Variants in PLCB1 observed in about 807,000 individuals in gnomAD.
The protein encoded by PLCB1 is 1-phosphatidylinositol 4,5-bisphosphate phosphodiesterase beta-1.
A neutral mutation model predicts 161.8 loss-of-function variants in PLCB1; 46 were observed. The ratio of observed to expected loss-of-function variants is 0.28; its 90% CI spans 0.22 to 0.36. The LOEUF (loss-of-function observed/expected upper bound fraction) is 0.36, where lower values mean the gene tolerates loss of function less well. Ranked by LOEUF, PLCB1 falls within the 10% of genes least tolerant of loss-of-function variation. The pLI is 1.00. For missense variants in PLCB1, 1,016 were observed against 1,472.5 expected (o/e 0.69, Z 5.07); for synonymous variants, 517 against 503.7 (o/e 1.03, Z -0.35).
chr20:8,825,715 T>C (rs181161598), intron 31 of PLCB1, among the ~76,000 whole-genome samples: 61 of 152,328 alleles, frequency 4.0e-4, no homozygotes, highest in Non-Finnish European at 6.6e-4. Context: ...TTTGAAAATA[T>C]TTTTATTGAT....
intron 31 of PLCB1, among the ~76,000 whole-genome samples, chr20:8,796,145 A>T (rs1315267436): frequency 7.9e-5 from 12 of 152,186 alleles, no homozygotes; most frequent in African/African-American, 2.4e-4. Flanking sequence ...CATCATCAAG[A>T]GAGAATTCCG....
At chr20:8,156,748 A>G (rs1467081260) in intron 2 of PLCB1, among the ~76,000 whole-genome samples, 2 of 152,154 alleles carry the variant, frequency 1.3e-5, no homozygotes, top group Non-Finnish European at 2.9e-5. Context: ...TGGTTTCATT[A>G]TCTATAAGGT....
chr20:8,607,474 C>T (rs957670913), intron 3 of PLCB1, among the ~76,000 whole-genome samples: 11 of 152,146 alleles, frequency 7.2e-5, no homozygotes, highest in South Asian at 2.1e-4. Flanking sequence ...ATCACTGTGC[C>T]GCTCTCTTGC....
intron 2 of PLCB1, among the ~76,000 whole-genome samples, chr20:8,258,628 T>C (rs140870551): frequency 1.3e-3 from 191 of 152,294 alleles, no homozygotes; most frequent in Middle Eastern, 3.4e-3. Flanking sequence ...AGATTAATAA[T>C]AATTACTTCT....
At chr20:8,286,929 C>T (rs2745764) in intron 2 of PLCB1, among the ~76,000 whole-genome samples, 75,786 of 152,016 alleles carry the variant, frequency 0.5, 21,169 homozygotes, top group African/African-American at 0.75. Context: ...TATCAGTGGA[C>T]TTTTGTCTAT....
intron 31 of PLCB1, among the ~76,000 whole-genome samples, chr20:8,876,985 G>T (rs1372716014): frequency 6.6e-6 from 1 of 152,056 alleles, no homozygotes; most frequent in Admixed American, 6.6e-5. Flanking sequence ...AATACACTCC[G>T]TTCTTTGCTG....
At chr20:8,686,810 T>G (rs1328527528) in intron 10 of PLCB1, among the ~76,000 whole-genome samples, 1 of 152,190 alleles carries the variant, frequency 6.6e-6, no homozygotes, top group Non-Finnish European at 1.5e-5. Context: ...AGACTCACCT[T>G]ATTCCTTTCT....
intron 2 of PLCB1, among the ~76,000 whole-genome samples, chr20:8,364,385 C>T (rs189482751): frequency 2.6e-5 from 4 of 152,266 alleles, no homozygotes; most frequent in East Asian, 1.9e-4. Flanking sequence ...CGATAATATC[C>T]GCAGGCATTG....
intron 2 of PLCB1, among the ~76,000 whole-genome samples, chr20:8,269,779 T>C (rs1229367591): frequency 6.6e-6 from 1 of 152,132 alleles, no homozygotes; most frequent in East Asian, 1.9e-4. Flanking sequence ...TATTTTGACT[T>C]CCTCTCCTGA....
intron 31 of PLCB1, chr20:8,831,227 G>T: frequency 6.4e-6 from 1 of 157,306 alleles, no homozygotes; most frequent in Non-Finnish European, 1.4e-5. Context: ...TCCCCAGGCT[G>T]TGTCCAAGTA....
intron 31 of PLCB1, among the ~76,000 whole-genome samples, chr20:8,811,470 G>C (rs899026330): frequency 6.6e-6 from 1 of 152,156 alleles, no homozygotes; most frequent in African/African-American, 2.4e-5. Flanking sequence ...TCCATCAGCA[G>C]ATTTTATATT....
At chr20:8,776,547 C>G (rs1982953372) in intron 27 of PLCB1, among the ~76,000 whole-genome samples, 1 of 152,206 alleles carries the variant, frequency 6.6e-6, no homozygotes, top group Admixed American at 6.5e-5. Context: ...ACAATTCACT[C>G]ATTTTAAAGT....
intron 15 of PLCB1, among the ~76,000 whole-genome samples, chr20:8,724,012 G>T (rs550747421): frequency 6.7e-6 from 1 of 149,716 alleles, no homozygotes; most frequent in African/African-American, 2.5e-5. Flanking sequence ...CTTAATTTAC[G>T]AATCCGATGA....
chr20:8,665,809 A>C (rs772107989), intron 9 of PLCB1, among the ~76,000 whole-genome samples: 14 of 152,176 alleles, frequency 9.2e-5, no homozygotes, highest in Non-Finnish European at 1.6e-4. Flanking sequence ...AAGATCAAAC[A>C]TGCCCTAATT....
chr20:8,505,592 G>C (rs1477051459), intron 3 of PLCB1, among the ~76,000 whole-genome samples: 2 of 152,194 alleles, frequency 1.3e-5, no homozygotes, highest in Non-Finnish European at 2.9e-5. Context: ...GCTTATTACT[G>C]TACCGTCAAG....
chr20:8,763,920 T>G (rs2123582128), intron 25 of PLCB1, among the ~76,000 whole-genome samples: 1 of 152,160 alleles, frequency 6.6e-6, no homozygotes. Flanking sequence ...ATCCCAGCAC[T>G]TTGGGAAGCC....
chr20:8,374,645 C>T (rs1395609154), intron 3 of PLCB1, among the ~76,000 whole-genome samples: 10 of 151,986 alleles, frequency 6.6e-5, no homozygotes, highest in Admixed American at 6.6e-4. Flanking sequence ...AAAACTAGAC[C>T]ATTGAGTTGG....
intron 2 of PLCB1, among the ~76,000 whole-genome samples, chr20:8,251,974 G>C (rs1981166942): frequency 6.6e-6 from 1 of 151,916 alleles, no homozygotes; most frequent in South Asian, 2.1e-4. Flanking sequence ...CAAGCTCTTT[G>C]AAAAGGTAGG....
At chr20:8,756,611 A>T (rs1006470663) in intron 23 of PLCB1, among the ~76,000 whole-genome samples, 3 of 152,156 alleles carry the variant, frequency 2.0e-5, no homozygotes, top group African/African-American at 7.2e-5. Flanking sequence ...GACATCCTTG[A>T]CCAGGATGAC....
Sources: gnomAD v4.1 joint callset for allele counts (sites outside exome capture counted in the v4.1 genomes callset) on GRCh38, gnomAD v4.1.1 for gene constraint, MANE v1.5 for transcripts, NCBI Gene and HGNC (gene_info 2026-07-23, HGNC 2026-07-21) for gene names.